The following RTBDN variants were observed in gnomAD, a reference collection of about 807,000 sequenced individuals.
RTBDN encodes retbindin.
RTBDN carries 24 observed loss-of-function variants against 21.9 expected under a neutral mutation model. That is an observed-to-expected ratio of 1.10 (90% CI 0.79 to 1.54). RTBDN has a LOEUF of 1.54. Among genes scored for constraint, RTBDN ranks in the 40% most tolerant of loss-of-function variants. The probability of loss-of-function intolerance (pLI) is 0.00; values close to 1 mark genes in which losing one functional copy is unlikely to be tolerated. For synonymous variants in RTBDN, 141 were observed against 125.9 expected, an observed-to-expected ratio of 1.12 and a Z score of -0.80; for missense variants, 325 against 315.2, an observed-to-expected ratio of 1.03 and a Z score of -0.23.
intron 3 of RTBDN, 30 bp downstream of exon 3, chr19:12,828,839 C>G (rs769389562): frequency 2.5e-6 from 4 of 1,614,106 alleles, no homozygotes; most frequent in South Asian, 2.2e-5. Flanking sequence ...GCAAAGTACG[C>G]GAGAAAACGG....
At chr19:12,835,283 G>C (rs542669576), upstream of RTBDN, 1,266 of 626,774 alleles carry the variant, frequency 2.0e-3, 14 homozygotes, top group Middle Eastern at 0.011. Flanking sequence ...GATCTCCGGA[G>C]CCTAGGCCTC....
chr19:12,830,000 G>T lies in RTBDN; in HGVS notation c.-18-3C>A. 6.3e-7 allele frequency: 1 copy of T among 1,599,440 alleles called. No homozygotes were observed. Among genetic ancestry groups the T allele is most frequent in the South Asian group, 1.1e-5 (1 of 90,720 alleles). On this transcript the variant is annotated splice_region_variant and splice_polypyrimidine_tract_variant and intron_variant, in intron 1 of 5. Transcript: ENST00000674343. ...TCCATGTCCACCTGAGATAAGAGCT[G>T]GCAGGCATAGGGTGGGGTTCAGCCA...
chr19:12,828,877 C>T lies in RTBDN; in HGVS notation c.246G>A (p.Pro82=), dbSNP rs1224802588. The stretch of plus-strand genomic sequence containing the variant: ...GAGGGTGCTGTACTCACTCAGGGCT[C>T]GGCACTCCACAGCGTTCTGGATGGT... The part of the protein sequence containing the change: ...PGNHPERCGV[P]SPECESFLEH... Residue 82 remains proline, a synonymous_variant, in exon 3 of 6, where the codon CCG becomes CCA. Transcript: ENST00000674343. 5.0e-6 allele frequency: 8 copies of T among 1,614,186 alleles called. No individual in the cohort carries two copies. Among genetic ancestry groups the T allele is most frequent in the Middle Eastern group, 1.6e-4 (1 of 6,062 alleles).
At chr19:12,831,292 T>G (rs561627092) in intron 1 of RTBDN, among the ~76,000 whole-genome samples, 1 of 152,220 alleles carries the variant, frequency 6.6e-6, no homozygotes, top group Non-Finnish European at 1.5e-5. Context: ...TGTGTCCTTC[T>G]GAAGTTTCTG....
intron 5 of RTBDN, 118 bp downstream of exon 5, chr19:12,826,657 G>T: frequency 1.2e-6 from 1 of 813,970 alleles, no homozygotes. Context: ...TCGCGCCACT[G>T]CACTCCAGCC....
intron 1 of RTBDN, chr19:12,832,662 C>T (rs1419048131): frequency 6.6e-6 from 1 of 152,196 alleles, no homozygotes; most frequent in African/African-American, 2.4e-5. Flanking sequence ...GAGAGATGTG[C>T]CAGCAAGGGA....
chr19:12,825,913 G>A lies in RTBDN; in HGVS notation c.483C>T (p.Asp161=). The change falls in exon 6 of 6, where the codon GAC becomes GAT. Residue 161 remains aspartate (D), a synonymous_variant. Transcript: ENST00000674343. ...TYGQTFADGT[D]LCRSALGHAL... ...CGTGGCCCAGAGCCGAGCGACAAAGGTCCGTCCCGTCTGCGAAGGTCTAGG... is the reference window on the plus strand; with the variant it reads ...CGTGGCCCAGAGCCGAGCGACAAAGATCCGTCCCGTCTGCGAAGGTCTAGG... 3 of 1,597,096 alleles carry A rather than the reference G, an allele frequency of 1.9e-6. No homozygotes were observed. Among genetic ancestry groups the A allele is most frequent in the South Asian group, 1.1e-5 (1 of 89,708 alleles).
Position 12,834,145 on chromosome 19 carries a change from C to CGCT in RTBDN, c.-19+341_-19+343dup. On this transcript the variant is annotated intron_variant, in intron 1 of 5. Transcript: ENST00000674343. The surrounding 1 kb of genome is among the most constrained non-coding windows in gnomAD (Gnocchi z 4.7). Reference sequence around the variant, plus strand: ...GGTTCGGGACGCTAACCGCGGGGAACGCTGTGGCCGCGCGTCCCGCCGCGC... The same window carrying CGCT: ...GGTTCGGGACGCTAACCGCGGGGAACGCTGCTGTGGCCGCGCGTCCCGCCGCGC... 2.5e-6 allele frequency: 1 copy of CGCT among 401,990 alleles called. No homozygotes were observed. The highest frequency in any genetic ancestry group is 4.4e-6 in the Non-Finnish European group (1 of 228,256). The allele number at this position is 401,990 out of a possible 1,614,324, so 24.9% of individuals were successfully genotyped here.
Position 12,825,729 on chromosome 19 carries a change from T to G in RTBDN, c.667A>C (p.Ser223Arg). ...ILDAAGSGSGSGSGSGP is the reference protein window; with the variant it reads ...ILDAAGSGSGRGSGSGP The stretch of plus-strand genomic sequence containing the variant: ...CGCTAGGGGCCGCTGCCGCTTCCAC[T>G]GCCACTCCCGCTGCCCGCAGCGTCC... The change falls in exon 6 of 6, where the codon AGT becomes CGT. Residue 223 changes from serine (S) to arginine (R), a missense_variant. By Grantham distance (110) the Ser-to-Arg change is moderately radical (BLOSUM62 -1). Coordinates refer to ENST00000674343, the MANE Select transcript of RTBDN (RefSeq NM_001270441.2). The G allele has an allele frequency of 6.3e-7, 1 of 1,585,302 alleles. No individual in the cohort carries two copies. The highest frequency in any genetic ancestry group is 8.6e-7 in the Non-Finnish European group (1 of 1,166,982).
In RTBDN at chr19:12,828,946, A is replaced by G. The variant is rs1482663449; in HGVS notation, c.177T>C (p.Cys59=). 3.1e-6 allele frequency: 5 copies of G among 1,614,138 alleles called. No homozygotes were observed. Among genetic ancestry groups the G allele is most frequent in the Non-Finnish European group, 3.4e-6 (4 of 1,180,002 alleles). The change falls in exon 3 of 6, where the codon TGT becomes TGC. Residue 59 remains cysteine (C), a synonymous_variant. Coordinates refer to ENST00000674343, the MANE Select transcript of RTBDN (RefSeq NM_001270441.2). ...CTGTTGTGTCCATCTCTGAGGGACA[A>G]CAAGGTCCTGGCAAAGGGGAACCCT... ...GKGKLHLAGP[C]CPSEMDTTET...
rs1599567611 is a variant in RTBDN, at chr19:12,833,740, C to CGCCAGCCCCTTCCCCCT, written c.-19+748_-19+749insAGGGGGAAGGGGCTGGC. On this transcript the variant is annotated intron_variant, in intron 1 of 5. Transcript: ENST00000674343. ...CGCCCCCCCGCCCGCCCCTTCCCCC[C>CGCCAGCCCCTTCCCCCT]GCCAGCGCGGGCAGCGGTGGCTGAG... is the stretch of plus-strand genomic sequence containing the variant. Among the ~76,000 whole-genome samples, 5 of 149,702 alleles carry CGCCAGCCCCTTCCCCCT rather than the reference C, an allele frequency of 3.3e-5. No homozygotes were observed. The East Asian group carries it at 6.0e-4, about 18-fold the overall frequency.
intron 5 of RTBDN, chr19:12,826,152 T>G (rs2145842029): frequency 3.7e-6 from 5 of 1,353,638 alleles, no homozygotes; most frequent in Middle Eastern, 2.4e-4. Flanking sequence ...TTGGGGCAGT[T>G]GGGGGGCGCG....
intron 4 of RTBDN, 28 bp from the exon 5 acceptor site, chr19:12,826,899 A>G: frequency 6.8e-7 from 1 of 1,476,314 alleles, no homozygotes; most frequent in African/African-American, 1.4e-5. Context: ...AGAGGTGGGT[A>G]AAGCCTTTGT....
Position 12,834,452 on chromosome 19 carries a change from C to CT in RTBDN, c.-19+36dup. ...CGCCCCTCACCACCCCAGGAGCCCC[C>CT]TCCCGAGGCATAGGACGCCCTGCGT... On this transcript the variant is annotated intron_variant, in intron 1 of 5. Transcript: ENST00000674343. This position sits in a 1 kb window ranked among gnomAD's most constrained non-coding sequence, Gnocchi z 4.7. 6.7e-7 allele frequency: 1 copy of CT among 1,490,262 alleles called. No individual in the cohort carries two copies. The highest frequency in any genetic ancestry group is 9.0e-7 in the Non-Finnish European group (1 of 1,105,172). 92.3% of individuals were successfully genotyped at this position (1,490,262 alleles called of 1,614,324 possible).
In RTBDN at chr19:12,825,885, G is replaced by A; in HGVS notation, c.511C>T (p.Leu171=). ...DLCRSALGHA[L]PVAAPGARHC... ...CGGGCTCCAGGAGCAGCCACCGGTA[G>A]GGCGTGGCCCAGAGCCGAGCGACAA... The change falls in exon 6 of 6, where the codon CTA becomes TTA. Residue 171 remains leucine (L), a synonymous_variant. Coordinates refer to ENST00000674343, the MANE Select transcript of RTBDN (RefSeq NM_001270441.2). The A allele has an allele frequency of 6.2e-7, 1 of 1,613,102 alleles. No individual in the cohort carries two copies. Among genetic ancestry groups the A allele is most frequent in the Non-Finnish European group, 8.5e-7 (1 of 1,179,606 alleles).
At chr19:12,834,910 G>C, upstream of RTBDN, 1 of 1,585,184 alleles carries the variant, frequency 6.3e-7, no homozygotes, top group South Asian at 1.1e-5. The surrounding 1 kb of genome is among the most constrained non-coding windows in gnomAD (Gnocchi z 4.7). Flanking sequence ...TCCCAGAGGG[G>C]AAGGTGATGA....
At chr19:12,835,225 C>G (rs1035663700), upstream of RTBDN, 2 of 882,948 alleles carry the variant, frequency 2.3e-6, no homozygotes, top group Non-Finnish European at 3.7e-6. Flanking sequence ...AACGCCGGAG[C>G]CAGACATGAG....
chr19:12,832,433 G>A (rs957996836), intron 1 of RTBDN: 8 of 152,254 alleles, frequency 5.3e-5, no homozygotes, highest in African/African-American at 1.9e-4. Flanking sequence ...GGTCCATCTT[G>A]AGGTGGTCCA....
chr19:12,829,885 C>T lies in RTBDN; in HGVS notation c.95G>A (p.Arg32His), dbSNP rs775522501. The T allele has an allele frequency of 3.4e-5, 55 of 1,614,000 alleles. No individual in the cohort carries two copies. Among genetic ancestry groups the T allele is most frequent in the South Asian group, 1.5e-4 (14 of 91,082 alleles). The change falls in exon 2 of 6, where the codon CGC (arginine) becomes CAC (histidine). Residue 32 changes from arginine (R) to histidine (H), a missense_variant. By Grantham distance (29) the Arg-to-His change is conservative (BLOSUM62 0). Coordinates refer to ENST00000674343, the MANE Select transcript of RTBDN (RefSeq NM_001270441.2). The stretch of plus-strand genomic sequence containing the variant: ...TTGCTGGGACCTGGCTTGGAGTGGG[C>T]GGCTCCCTCCACAGGCTTCTAGCAG... ...WILLEACGGSRPLQARSQQHH... is the reference protein window; with the variant it reads ...WILLEACGGSHPLQARSQQHH...
Sources: gnomAD v4.1 joint callset for allele counts (sites outside exome capture counted in the v4.1 genomes callset) on GRCh38, gnomAD v4.1.1 for gene constraint, Gnocchi (gnomAD v3.1) non-coding constraint, MANE v1.5 for transcripts, NCBI Gene and HGNC (gene_info 2026-07-23, HGNC 2026-07-21) for gene names.